CNBD1: variants seen among roughly 807,000 people sequenced by gnomAD.
CNBD1 encodes cyclic nucleotide-binding domain-containing protein 1.
CNBD1 carries 71 observed loss-of-function variants against 54.4 expected under a neutral mutation model. The observed-to-expected ratio is 1.30, with a 90% CI of 1.08 to 1.59. CNBD1 has a LOEUF of 1.59. CNBD1 is among the 40% of genes most tolerant of loss of function. CNBD1 has a pLI of 0.00. For synonymous variants in CNBD1, 182 were observed against 170.7 expected (o/e 1.07, Z -0.51); for missense variants, 659 against 518.0 (o/e 1.27, Z -2.64).
At chr8:87,129,069 C>CAAAAAAAAAAAAAACAAAAAAAAAAAA (rs1812060696) in intron 4 of CNBD1, among the ~76,000 whole-genome samples, 1 of 26,182 alleles carries the variant, frequency 3.8e-5, no homozygotes, top group Non-Finnish European at 7.1e-5. Flanking sequence ...GACTCTGCCT[C>CAAAAAAAAAAAAAACAAAAAAAAAAAA]AAAAAAAAAA....
intron 4 of CNBD1, among the ~76,000 whole-genome samples, chr8:86,959,439 A>G (rs1807871161): frequency 6.6e-6 from 1 of 152,166 alleles, no homozygotes; most frequent in African/African-American, 2.4e-5. Flanking sequence ...TATCCTGAAG[A>G]GTGTTTTCCA....
chr8:87,103,274 C>G (rs1199028467), intron 4 of CNBD1, among the ~76,000 whole-genome samples: 2 of 151,996 alleles, frequency 1.3e-5, no homozygotes, highest in African/African-American at 4.8e-5. Context: ...CTACAAAAAG[C>G]CTTGATTTAT....
At chr8:87,333,045 C>T (rs531015343) in intron 8 of CNBD1, among the ~76,000 whole-genome samples, 5 of 152,156 alleles carry the variant, frequency 3.3e-5, no homozygotes, top group African/African-American at 1.2e-4. Context: ...TCTCTTATTT[C>T]CTTGAGCAGT....
chr8:87,268,923 T>C (rs962793982), intron 6 of CNBD1, among the ~76,000 whole-genome samples: 2 of 152,108 alleles, frequency 1.3e-5, no homozygotes, highest in African/African-American at 4.8e-5. Flanking sequence ...GCTCTTTAGC[T>C]TAATTAGGTC....
chr8:87,353,760 C>A lies in CNBD1; in HGVS notation c.1277C>A (p.Ala426Glu). Residue 426 changes from alanine (A) to glutamate (E), a missense_variant, in exon 10 of 11, where the codon GCA (alanine) becomes GAA (glutamate). Transcript: ENST00000518476. ...ATTACCAAAAAAGAAGTTGAGATGG[C>A]AATCATTGAAGATAAGGACCTATTT... ...TIITKKEVEM[A>E]IIEDKDLFVA 1 of 1,609,590 alleles carries A rather than the reference C, an allele frequency of 6.2e-7. No homozygotes were observed. The highest frequency in any genetic ancestry group is 8.5e-7 in the Non-Finnish European group (1 of 1,177,896).
chr8:87,406,833 C>T (rs1235899800), intron 2 of CNBD1, among the ~76,000 whole-genome samples: 1 of 152,032 alleles, frequency 6.6e-6, no homozygotes, highest in Non-Finnish European at 1.5e-5. Context: ...CATGGCTGCC[C>T]ATAGCCCACA....
intron 4 of CNBD1, among the ~76,000 whole-genome samples, chr8:87,060,069 CT>C (rs1810510740): frequency 6.6e-6 from 1 of 152,214 alleles, no homozygotes; most frequent in Non-Finnish European, 1.5e-5. Flanking sequence ...TTGCCCAGCC[CT>C]TCACTGGCCA....
At chr8:87,366,626 C>A (rs1810648367) in intron 10 of CNBD1, among the ~76,000 whole-genome samples, 1 of 152,026 alleles carries the variant, frequency 6.6e-6, no homozygotes, top group Non-Finnish European at 1.5e-5. Flanking sequence ...ATAACATAAT[C>A]ACAGGAGTAA....
At chr8:87,281,590 A>AGT (rs1808603058) in intron 6 of CNBD1, among the ~76,000 whole-genome samples, 2 of 55,252 alleles carry the variant, frequency 3.6e-5, no homozygotes, top group African/African-American at 1.4e-4. Flanking sequence ...ATATATATAT[A>AGT]TATATATATA....
chr8:87,266,436 AT>A (rs1712234897), intron 6 of CNBD1, among the ~76,000 whole-genome samples: 6 of 76,218 alleles, frequency 7.9e-5, no homozygotes, highest in South Asian at 7.5e-4. Context: ...AAAAAAAAAA[AT>A]CTTTTTTTTT....
chr8:87,006,719 G>T (rs1051808938), intron 4 of CNBD1, among the ~76,000 whole-genome samples: 1 of 152,166 alleles, frequency 6.6e-6, no homozygotes, highest in Non-Finnish European at 1.5e-5. Flanking sequence ...AATTCAACAT[G>T]AGATCTGGGC....
intron 6 of CNBD1, among the ~76,000 whole-genome samples, chr8:87,263,085 T>C (rs908844907): frequency 1.3e-5 from 2 of 152,214 alleles, no homozygotes; most frequent in East Asian, 1.9e-4. Context: ...TATGTGTTCC[T>C]TGTAAGATGT....
chr8:87,369,969 C>A (rs941227181), intron 10 of CNBD1, among the ~76,000 whole-genome samples: 1 of 151,850 alleles, frequency 6.6e-6, no homozygotes, highest in Non-Finnish European at 1.5e-5. Context: ...TGAGTGAGAA[C>A]ATGCAGTGTT....
rs147114059 is a variant in CNBD1 at position 87,181,168 on chromosome 8, A to C, written c.432-24825A>C. 7.1e-3 allele frequency among the ~76,000 whole-genome samples: 1,081 copies of C among 152,300 alleles called. 13 individuals are homozygous for C. The highest frequency in any genetic ancestry group is 0.025 in the African/African-American group (1,036 of 41,568). On this transcript the variant is annotated intron_variant, in intron 4 of 10. Transcript: ENST00000518476. ...AGTCATTTTGAGAGGAGAGTGATGAACAGATCTATGTCTGCAGGTTGAATC... is the reference window on the plus strand; with the variant it reads ...AGTCATTTTGAGAGGAGAGTGATGACCAGATCTATGTCTGCAGGTTGAATC...
At position 87,322,202 on chromosome 8, in the gene CNBD1, A is replaced by C. The variant is rs1217293511; in HGVS notation, c.1043-29483A>C. Among the ~76,000 whole-genome samples, 3 of 122,092 alleles carry C rather than the reference A, an allele frequency of 2.5e-5. 1 individual carries two copies. The highest frequency in any genetic ancestry group is 9.3e-5 in the African/African-American group (3 of 32,314). 80.1% of individuals were successfully genotyped at this position (122,092 alleles called of 152,430 possible). On this transcript the variant is annotated intron_variant, in intron 8 of 10. Coordinates refer to ENST00000518476, the MANE Select transcript of CNBD1 (RefSeq NM_173538.3). Reference sequence around the variant, plus strand: ...CCACATTTTCTTAATCCAGTCTATCATTGTTGGACATTTGGGTTGTTTCCA... The same window carrying C: ...CCACATTTTCTTAATCCAGTCTATCCTTGTTGGACATTTGGGTTGTTTCCA...
intron 8 of CNBD1, among the ~76,000 whole-genome samples, chr8:87,309,255 T>C (rs2130889261): frequency 6.6e-6 from 1 of 152,308 alleles, no homozygotes; most frequent in East Asian, 1.9e-4. Flanking sequence ...TTGTTAATTG[T>C]CTTTTTGTAA....
chr8:86,919,612 A>G (rs775245771), intron 3 of CNBD1, among the ~76,000 whole-genome samples: 1 of 152,206 alleles, frequency 6.6e-6, no homozygotes, highest in Non-Finnish European at 1.5e-5. Context: ...TTACACACAA[A>G]GTTAAGTTGT....
chr8:86,975,856 G>A (rs1419390933), intron 4 of CNBD1, among the ~76,000 whole-genome samples: 4 of 151,894 alleles, frequency 2.6e-5, no homozygotes, highest in African/African-American at 9.7e-5. Context: ...CAACGTACAA[G>A]GAGTTCTCTT....
At chr8:87,258,784 T>G (rs1205287347) in intron 6 of CNBD1, among the ~76,000 whole-genome samples, 1 of 152,188 alleles carries the variant, frequency 6.6e-6, no homozygotes, top group Non-Finnish European at 1.5e-5. Flanking sequence ...CAAATTTTTG[T>G]TAAAGAGAAA....
Sources: allele counts gnomAD v4.1 joint callset (sites outside exome capture counted in the v4.1 genomes callset), GRCh38; gene constraint gnomAD v4.1.1; transcripts MANE v1.5; gene names NCBI Gene and HGNC (gene_info 2026-07-23, HGNC 2026-07-21).